Variants in TENM3 observed in about 807,000 individuals in gnomAD.
TENM3 encodes teneurin transmembrane protein 3, also known as teneurin-3.
Under a neutral mutation model 255.1 loss-of-function variants are expected in TENM3, and 63 were observed. That is an observed-to-expected ratio of 0.25 (90% CI 0.20 to 0.30). The LOEUF is 0.30. Among genes scored for constraint, TENM3 ranks in the 10% least tolerant of loss-of-function variants. TENM3 has a pLI of 1.00. For missense variants in TENM3, 2,929 were observed against 3,461.1 expected, an observed-to-expected ratio of 0.85 and a Z score of 3.86; for synonymous variants, 1,306 against 1,322.3, an observed-to-expected ratio of 0.99 and a Z score of 0.27.
chr4:182,790,826 G>A lies in TENM3; in HGVS notation c.5601+1437G>A, dbSNP rs115477013. On this transcript the variant is annotated intron_variant, in intron 25 of 27. Coordinates refer to ENST00000511685, the MANE Select transcript of TENM3 (RefSeq NM_001080477.4). ...AAAATGTATAGTAGTGATCATAATG[G>A]CACTGGGAAATGTTTAGAGGGAGCC... is the stretch of plus-strand genomic sequence containing the variant. Among the ~76,000 whole-genome samples the A allele has an allele frequency of 7.5e-3, 1,138 of 152,232 alleles. 19 individuals are homozygous for A. The highest frequency in any genetic ancestry group is 0.026 in the African/African-American group (1,075 of 41,530).
chr4:182,719,283 A>C (rs1239597854), intron 13 of TENM3, among the ~76,000 whole-genome samples: 1 of 76,256 alleles, frequency 1.3e-5, no homozygotes, highest in African/African-American at 5.6e-5. Flanking sequence ...TTTTTTTGAG[A>C]CGGAGTCTCG....
intron 12 of TENM3, among the ~76,000 whole-genome samples, chr4:182,697,251 A>G (rs1757498424): frequency 6.6e-6 from 1 of 152,218 alleles, no homozygotes; most frequent in Non-Finnish European, 1.5e-5. Flanking sequence ...ACAGGAGTGC[A>G]TGCTGGATAC....
the TENM3 span, among the ~76,000 whole-genome samples, chr4:181,448,805 C>T: frequency 6.6e-6 from 1 of 151,998 alleles, no homozygotes; most frequent in Non-Finnish European, 1.5e-5. Context: ...TGCAGCTTCA[C>T]GTTTTTTTAC....
rs76830895 is a variant in TENM3, at chr4:182,468,247, G to T, written c.511+121318G>T. ...CAAAAAAATGCAAACTATTAAAAAG[G>T]CATTACATAACAAAAGTTACTTTGT... On this transcript the variant is annotated intron_variant, in intron 3 of 27. Coordinates refer to ENST00000511685, the MANE Select transcript of TENM3 (RefSeq NM_001080477.4). 5.3e-5 allele frequency among the ~76,000 whole-genome samples: 8 copies of T among 152,198 alleles called. No homozygotes were observed. The East Asian group carries it at 1.5e-3, about 29-fold the overall frequency.
chr4:182,509,618 T>C (rs1426063144), intron 3 of TENM3, among the ~76,000 whole-genome samples: 2 of 152,056 alleles, frequency 1.3e-5, no homozygotes, highest in Non-Finnish European at 2.9e-5. Flanking sequence ...ACAAGAAGGA[T>C]AGAATTAAAT....
chr4:182,026,938 C>T, the TENM3 span, among the ~76,000 whole-genome samples: 3 of 152,000 alleles, frequency 2.0e-5, no homozygotes, highest in South Asian at 2.1e-4. Flanking sequence ...AGCTTTTGCT[C>T]TTCTGGGTCT....
the TENM3 span, among the ~76,000 whole-genome samples, chr4:181,869,347 T>G: frequency 6.6e-6 from 1 of 152,316 alleles, no homozygotes; most frequent in Admixed American, 6.5e-5. Context: ...TATCTTTAAT[T>G]ATGTAAATCA....
intron 3 of TENM3, among the ~76,000 whole-genome samples, chr4:182,587,124 T>C (rs1560965085): frequency 6.6e-6 from 1 of 152,094 alleles, no homozygotes; most frequent in Non-Finnish European, 1.5e-5. Context: ...ACAGTCTCAC[T>C]CTGTTGCCCA....
chr4:182,122,111 A>T, the TENM3 span, among the ~76,000 whole-genome samples: 2 of 152,348 alleles, frequency 1.3e-5, no homozygotes, highest in Non-Finnish European at 2.9e-5. Context: ...TGATCATGAG[A>T]TTGCAGAAAT....
intron 3 of TENM3, among the ~76,000 whole-genome samples, chr4:182,402,946 A>G (rs1328856795): frequency 6.6e-6 from 1 of 152,244 alleles, no homozygotes; most frequent in Non-Finnish European, 1.5e-5. Context: ...GAAATATATA[A>G]CCATGATGGA....
intron 1 of TENM3, among the ~76,000 whole-genome samples, chr4:182,216,948 A>G (rs1755510227): frequency 6.7e-6 from 1 of 149,588 alleles, no homozygotes; most frequent in Non-Finnish European, 1.5e-5. Flanking sequence ...GATTCACACC[A>G]CTTCTGGTGT....
At chr4:182,230,832 A>ATATATATATATATATATATATC (rs1756519364) in intron 1 of TENM3, among the ~76,000 whole-genome samples, 1 of 109,470 alleles carries the variant, frequency 9.1e-6, no homozygotes, top group South Asian at 3.1e-4. Context: ...ATATATATAT[A>ATATATATATATATATATATATC]TATATATATA....
the TENM3 span, among the ~76,000 whole-genome samples, chr4:182,108,309 C>T: frequency 3.0e-4 from 45 of 152,210 alleles, 1 homozygote; most frequent in African/African-American, 9.4e-4. Context: ...AGGGCTTTAA[C>T]GTGTCTAGGT....
chr4:182,713,972 C>G (rs1188284413), intron 12 of TENM3, 115 bp from the exon 13 acceptor site: 3 of 750,614 alleles, frequency 4.0e-6, no homozygotes, highest in Non-Finnish European at 6.6e-6. Flanking sequence ...TGTGCAATTA[C>G]AGTATTTGTG....
chr4:181,745,445 A>G, the TENM3 span, among the ~76,000 whole-genome samples: 1 of 152,182 alleles, frequency 6.6e-6, no homozygotes, highest in Non-Finnish European at 1.5e-5. Context: ...CCGTATTAAT[A>G]TGTTTTAAAA....
the TENM3 span, among the ~76,000 whole-genome samples, chr4:181,938,883 G>T: frequency 2.0e-5 from 3 of 152,094 alleles, no homozygotes; most frequent in Admixed American, 2.0e-4. Flanking sequence ...TTTGTGAAAG[G>T]GCTTTTGGAA....
At position 182,548,091 on chromosome 4, in the gene TENM3, G is replaced by C. The variant is rs145634854; in HGVS notation, c.512-52833G>C. The stretch of plus-strand genomic sequence containing the variant: ...ATAAAAAAATTAGCCACGCATGGTA[G>C]TGTACACCTGTAGTCCCAGCTACTT... On this transcript the variant is annotated intron_variant, in intron 3 of 27. Coordinates refer to ENST00000511685, the MANE Select transcript of TENM3 (RefSeq NM_001080477.4). Among the ~76,000 whole-genome samples the C allele has an allele frequency of 3.8e-3, 579 of 152,196 alleles. 12 individuals are homozygous for C. Among genetic ancestry groups the C allele is most frequent in the Admixed American group, 0.034 (515 of 15,288 alleles).
chr4:182,048,518 G>A, the TENM3 span, among the ~76,000 whole-genome samples: 1 of 152,150 alleles, frequency 6.6e-6, no homozygotes, highest in Non-Finnish European at 1.5e-5. Context: ...ATTTTTAGAA[G>A]AGTCAGATGT....
At chr4:182,269,844 A>G (rs111228553) in intron 1 of TENM3, among the ~76,000 whole-genome samples, 2,947 of 152,176 alleles carry the variant, frequency 0.019, 104 homozygotes, top group African/African-American at 0.067. Context: ...GAGAAAGTGT[A>G]CCCAAGGAGG....
Sources: allele counts gnomAD v4.1 joint callset (sites outside exome capture counted in the v4.1 genomes callset), GRCh38; gene constraint gnomAD v4.1.1; transcripts MANE v1.5; gene names NCBI Gene and HGNC (gene_info 2026-07-23, HGNC 2026-07-21).